The following CTNNA2 variants were observed in gnomAD, a reference collection of about 807,000 sequenced individuals.
CTNNA2 encodes the protein catenin alpha-2.
In CTNNA2, 42 loss-of-function variants were observed where a neutral mutation model predicts 101.0. That is an observed-to-expected ratio of 0.42 (90% CI 0.32 to 0.54). The LOEUF is 0.54. Among genes scored for constraint, CTNNA2 ranks in the 20% least tolerant of loss-of-function variants. CTNNA2 has a pLI of 0.14. For synonymous variants in CTNNA2, 450 were observed against 456.4 expected (o/e 0.99, Z 0.18); for missense variants, 871 against 1,223.1 (o/e 0.71, Z 4.29).
At chr2:80,421,269 A>G (rs1396965932) in intron 9 of CTNNA2, among the ~76,000 whole-genome samples, 1 of 152,244 alleles carries the variant, frequency 6.6e-6, no homozygotes, top group East Asian at 1.9e-4. Flanking sequence ...CATTTACAAG[A>G]TAACTGCAGA....
intron 6 of CTNNA2, among the ~76,000 whole-genome samples, chr2:79,878,522 C>G (rs1331412161): frequency 6.6e-6 from 1 of 152,146 alleles, no homozygotes; most frequent in African/African-American, 2.4e-5. Flanking sequence ...TTAATAATTG[C>G]CATTCTGACT....
intron 7 of CTNNA2, among the ~76,000 whole-genome samples, chr2:80,148,421 A>T (rs1289149774): frequency 6.6e-6 from 1 of 152,264 alleles, no homozygotes; most frequent in Non-Finnish European, 1.5e-5. Context: ...TCACTGATCC[A>T]GCTGGCATGT....
chr2:79,982,358 CTATATAACATATATATAACA>C (rs1691413185), intron 7 of CTNNA2, among the ~76,000 whole-genome samples: 3 of 132,508 alleles, frequency 2.3e-5, no homozygotes, highest in Admixed American at 1.5e-4. Flanking sequence ...CCTATATAAC[CTATATAACATATATATAACA>C]TATATAACAT....
At chr2:80,479,928 T>C (rs1438776212) in intron 9 of CTNNA2, among the ~76,000 whole-genome samples, 1 of 152,180 alleles carries the variant, frequency 6.6e-6, no homozygotes, top group African/African-American at 2.4e-5. Flanking sequence ...CTTGGTTCCA[T>C]ATACAACATT....
At chr2:80,376,949 G>T (rs1676014140) in intron 7 of CTNNA2, among the ~76,000 whole-genome samples, 1 of 152,172 alleles carries the variant, frequency 6.6e-6, no homozygotes, top group African/African-American at 2.4e-5. Context: ...CCATGCAGAG[G>T]ACTGAAAAGG....
intron 12 of CTNNA2, among the ~76,000 whole-genome samples, chr2:80,563,773 A>G (rs1007186458): frequency 4.6e-5 from 7 of 151,688 alleles, no homozygotes; most frequent in Admixed American, 4.6e-4. Context: ...AGAGAAGCCC[A>G]CTCTTCGGTG....
At chr2:79,374,507 G>A (rs550218518) in intron 4 of CTNNA2, among the ~76,000 whole-genome samples, 2 of 63,328 alleles carry the variant, frequency 3.2e-5, no homozygotes, top group Middle Eastern at 6.3e-3. Context: ...CATCATTAGA[G>A]TAATATATAT....
intron 15 of CTNNA2, among the ~76,000 whole-genome samples, chr2:80,601,413 C>CTTTTTTTTTTTTTTTTTTTTTTTT (rs1697501313): frequency 1.6e-5 from 1 of 61,856 alleles, no homozygotes; most frequent in African/African-American, 5.7e-5. Flanking sequence ...TTTTTTCTTT[C>CTTTTTTTTTTTTTTTTTTTTTTTT]TTTCTTTCTT....
intron 3 of CTNNA2, among the ~76,000 whole-genome samples, chr2:79,817,377 G>A (rs983126107): frequency 4.5e-5 from 6 of 131,958 alleles, no homozygotes; most frequent in South Asian, 4.7e-4. Flanking sequence ...ACTAAATGTG[G>A]TCAGTCTCTT....
intron 1 of CTNNA2, among the ~76,000 whole-genome samples, chr2:79,599,638 A>T (rs1324447030): frequency 6.6e-6 from 1 of 152,194 alleles, no homozygotes; most frequent in Non-Finnish European, 1.5e-5. Context: ...GTATCTTGTC[A>T]GAAAAATGGG....
intron 7 of CTNNA2, among the ~76,000 whole-genome samples, chr2:79,941,821 G>T (rs1688186836): frequency 6.6e-6 from 1 of 152,022 alleles, no homozygotes; most frequent in African/African-American, 2.4e-5. Context: ...GTGTCACCAT[G>T]TTGGCCAGGC....
intron 15 of CTNNA2, among the ~76,000 whole-genome samples, chr2:80,599,221 A>C (rs1697250737): frequency 6.6e-6 from 1 of 152,246 alleles, no homozygotes; most frequent in Non-Finnish European, 1.5e-5. Context: ...CCATATTTTA[A>C]GTGTTCTATA....
chr2:80,367,888 G>A (rs529057770), intron 7 of CTNNA2, among the ~76,000 whole-genome samples: 5 of 150,940 alleles, frequency 3.3e-5, no homozygotes, highest in South Asian at 2.1e-4. Flanking sequence ...ATTGAGATTC[G>A]TAGCAACTTG....
chr2:79,860,872 A>G (rs1178679887), intron 4 of CTNNA2, among the ~76,000 whole-genome samples: 1 of 152,190 alleles, frequency 6.6e-6, no homozygotes, highest in Non-Finnish European at 1.5e-5. Flanking sequence ...AGTAGGGAGT[A>G]TATCAGTTCT....
chr2:79,760,060 A>T (rs1672677952), intron 3 of CTNNA2, among the ~76,000 whole-genome samples: 1 of 152,152 alleles, frequency 6.6e-6, no homozygotes, highest in Non-Finnish European at 1.5e-5. Context: ...TTGAAACCTG[A>T]CTCAATAATT....
chr2:80,277,553 G>GAAAAAAAAAAAAAAAAAAA (rs10650278), intron 7 of CTNNA2, among the ~76,000 whole-genome samples: 3 of 83,828 alleles, frequency 3.6e-5, no homozygotes, highest in African/African-American at 1.4e-4. Flanking sequence ...AAGGATTTCT[G>GAAAAAAAAAAAAAAAAAAA]AAAAAAAAAA....
chr2:80,559,531 G>A (rs1389660000), intron 12 of CTNNA2, among the ~76,000 whole-genome samples: 1 of 152,174 alleles, frequency 6.6e-6, no homozygotes, highest in Non-Finnish European at 1.5e-5. Context: ...TTGCTTAAGA[G>A]TGCTTCTTGT....
chr2:80,307,826 A>G (rs1677172263), intron 7 of CTNNA2, among the ~76,000 whole-genome samples: 1 of 152,234 alleles, frequency 6.6e-6, no homozygotes, highest in South Asian at 2.1e-4. Context: ...TCATGCCAAC[A>G]TGTGATTGGG....
At chr2:79,981,230 G>A (rs188031378) in intron 7 of CTNNA2, among the ~76,000 whole-genome samples, 48 of 152,222 alleles carry the variant, frequency 3.2e-4, no homozygotes, top group African/African-American at 1.2e-3. Flanking sequence ...CCAAAAAATA[G>A]GGGGCTTCAT....
Sources: allele counts gnomAD v4.1 joint callset (sites outside exome capture counted in the v4.1 genomes callset), GRCh38; gene constraint gnomAD v4.1.1; transcripts MANE v1.5; gene names NCBI Gene and HGNC (gene_info 2026-07-23, HGNC 2026-07-21).